ABI3BP: variants seen among roughly 807,000 people sequenced by gnomAD.
ABI3BP encodes the protein target of Nesh-SH3.
In ABI3BP, 216 loss-of-function variants were observed where a neutral mutation model predicts 268.6. The observed-to-expected ratio is 0.80, with a 90% confidence interval of 0.72 to 0.90. The LOEUF (loss-of-function observed/expected upper bound fraction) is 0.90. Among genes scored for constraint, ABI3BP ranks in the 40% least tolerant of loss-of-function variants. The probability of loss-of-function intolerance (pLI) is 0.00; values close to 1 mark genes in which losing one functional copy is unlikely to be tolerated. For missense variants in ABI3BP, 2,090 were observed against 2,182.4 expected, an observed-to-expected ratio of 0.96 and a Z score of 0.84; for synonymous variants, 730 against 730.0, an observed-to-expected ratio of 1.00 and a Z score of 0.00.
In ABI3BP at chr3:100,902,965, C is replaced by T. The variant is rs538904274; in HGVS notation, c.260-279G>A. 2.0e-5 allele frequency among the ~76,000 whole-genome samples: 3 copies of T among 152,308 alleles called. No individual in the cohort carries two copies. The South Asian group carries it at 6.2e-4, about 32-fold the overall frequency. On this transcript the variant is annotated intron_variant, in intron 2 of 67. Coordinates refer to ENST00000471714, the MANE Select transcript of ABI3BP (RefSeq NM_001375547.2). ...CACAGATTTTAAACGCTGTCTTCATCAGTTCTTTTCTCTGCAAATATATAT... is the reference window on the plus strand; with the variant it reads ...CACAGATTTTAAACGCTGTCTTCATTAGTTCTTTTCTCTGCAAATATATAT...
chr3:100,840,695 C>T, intron 22 of ABI3BP, 125 bp downstream of exon 22: 1 of 765,142 alleles, frequency 1.3e-6, no homozygotes, highest in Non-Finnish European at 1.9e-6. Flanking sequence ...TTCTGAAGAA[C>T]AGAGCACTCA....
chr3:100,835,858 A>C (rs1403881260), intron 27 of ABI3BP, among the ~76,000 whole-genome samples, 198 bp from the exon 28 acceptor site: 1 of 152,142 alleles, frequency 6.6e-6, no homozygotes, highest in Non-Finnish European at 1.5e-5. Flanking sequence ...TTGCATCCCT[A>C]TAAGGGCAAT....
intron 43 of ABI3BP, 37 bp downstream of exon 43, chr3:100,816,651 T>C: frequency 1.3e-6 from 2 of 1,482,914 alleles, no homozygotes; most frequent in Non-Finnish European, 1.8e-6. Context: ...AGGGTTCAGG[T>C]TCCTTGGCTA....
intron 1 of ABI3BP, among the ~76,000 whole-genome samples, chr3:100,935,471 T>A (rs537487765): frequency 6.6e-6 from 1 of 152,034 alleles, no homozygotes; most frequent in Non-Finnish European, 1.5e-5. Context: ...GCTCTTTTTT[T>A]ATTCCATATG....
intron 51 of ABI3BP, among the ~76,000 whole-genome samples, 155 bp from the exon 52 acceptor site, chr3:100,796,623 A>C (rs1304707324): frequency 6.6e-6 from 1 of 152,112 alleles, no homozygotes; most frequent in South Asian, 2.1e-4. Context: ...TGTTTTCTTC[A>C]AAATGGAAAA....
intron 4 of ABI3BP, among the ~76,000 whole-genome samples, chr3:100,888,084 A>T (rs538873555): frequency 2.8e-4 from 42 of 152,188 alleles, no homozygotes; most frequent in African/African-American, 8.9e-4. Context: ...CTACTTTCTT[A>T]CTAGGCACAA....
intron 10 of ABI3BP, 108 bp downstream of exon 10, chr3:100,866,771 C>T (rs916204090): frequency 1.1e-6 from 1 of 919,002 alleles, no homozygotes; most frequent in Non-Finnish European, 1.6e-6. Flanking sequence ...CATTTATGAT[C>T]AAAATGTATT....
At chr3:100,819,887 G>A (rs2098159958) in intron 40 of ABI3BP, among the ~76,000 whole-genome samples, 1 of 146,922 alleles carries the variant, frequency 6.8e-6, no homozygotes, top group African/African-American at 2.5e-5. Flanking sequence ...GGTGGAGGTT[G>A]CAGTGAGCTG....
At chr3:100,802,812 A>G (rs1488531382) in intron 51 of ABI3BP, among the ~76,000 whole-genome samples, 1 of 147,748 alleles carries the variant, frequency 6.8e-6, no homozygotes, top group Non-Finnish European at 1.5e-5. Flanking sequence ...AGAAGAGTTT[A>G]TTTCTCCAGG....
intron 14 of ABI3BP, 116 bp from the exon 15 acceptor site, chr3:100,852,056 T>G: frequency 1.1e-6 from 1 of 929,344 alleles, no homozygotes; most frequent in African/African-American, 1.7e-5. Flanking sequence ...TTTATGTAGG[T>G]ACTGGTACAT....
intron 10 of ABI3BP, among the ~76,000 whole-genome samples, chr3:100,865,146 T>C (rs770599858): frequency 1.1e-4 from 17 of 152,206 alleles, no homozygotes; most frequent in Non-Finnish European, 1.9e-4. Flanking sequence ...TGACTTTCAT[T>C]GAAACACTTA....
At chr3:100,963,467 T>C (rs567434181) in intron 1 of ABI3BP, among the ~76,000 whole-genome samples, 1 of 152,346 alleles carries the variant, frequency 6.6e-6, no homozygotes. Context: ...TAAGCATTAG[T>C]AGTCCAAGCC....
At chr3:100,929,689 T>C (rs2062994921) in intron 1 of ABI3BP, among the ~76,000 whole-genome samples, 1 of 152,038 alleles carries the variant, frequency 6.6e-6, no homozygotes, top group South Asian at 2.1e-4. Flanking sequence ...TCAACATTTC[T>C]CATTTGTTTT....
chr3:100,888,129 C>G (rs892298356), intron 4 of ABI3BP, among the ~76,000 whole-genome samples: 1 of 152,062 alleles, frequency 6.6e-6, no homozygotes, highest in African/African-American at 2.4e-5. Context: ...GATTAGCTTG[C>G]TCCTTTCTAG....
At chr3:100,838,648 AGG>A (rs2098643676) in intron 24 of ABI3BP, among the ~76,000 whole-genome samples, 184 bp from the exon 25 acceptor site, 1 of 152,212 alleles carries the variant, frequency 6.6e-6, no homozygotes, top group South Asian at 2.1e-4. Flanking sequence ...TTTTCCAGAA[AGG>A]AAAATTAATT....
chr3:100,856,919 C>A (rs2098946491), intron 14 of ABI3BP, among the ~76,000 whole-genome samples: 1 of 152,088 alleles, frequency 6.6e-6, no homozygotes, highest in Non-Finnish European at 1.5e-5. Flanking sequence ...ACTCATTGAT[C>A]CAAGAAGGAC....
At chr3:100,835,323 A>C (rs1389812025) in intron 28 of ABI3BP, among the ~76,000 whole-genome samples, 1 of 152,322 alleles carries the variant, frequency 6.6e-6, no homozygotes, top group Admixed American at 6.5e-5. Context: ...AACATAGAAC[A>C]CTACTGGAGC....
At chr3:100,844,047 A>G (rs1254496701) in intron 20 of ABI3BP, 1 of 980,610 alleles carries the variant, frequency 1.0e-6, no homozygotes, top group Non-Finnish European at 1.2e-6. Flanking sequence ...TTTAGTAAAA[A>G]TAAATATATC....
rs2058673736 is a variant in ABI3BP at position 100,916,553 on chromosome 3, A to G, written c.259+9749T>C. Among the ~76,000 whole-genome samples, 3 of 152,342 alleles carry G rather than the reference A, an allele frequency of 2.0e-5. No individual in the cohort carries two copies. The South Asian group carries it at 6.2e-4, about 32-fold the overall frequency. ...ACTCACTGTCTTCAGTGGGGCAAAG[A>G]GAATGCTAATAGTACCTGCTTCATG... On this transcript the variant is annotated intron_variant, in intron 2 of 67. Coordinates refer to ENST00000471714, the MANE Select transcript of ABI3BP (RefSeq NM_001375547.2).
Sources: allele counts gnomAD v4.1 joint callset (sites outside exome capture counted in the v4.1 genomes callset), GRCh38; gene constraint gnomAD v4.1.1; transcripts MANE v1.5; gene names NCBI Gene and HGNC (gene_info 2026-07-23, HGNC 2026-07-21).